Variants in PUM2 observed in about 807,000 individuals in gnomAD.
The protein encoded by PUM2 is pumilio RNA binding family member 2.
In PUM2, 57 loss-of-function variants were observed where a neutral mutation model predicts 124.5. That is an observed-to-expected ratio of 0.46 (90% confidence interval 0.37 to 0.57). The LOEUF is 0.57. Among genes scored for constraint, PUM2 ranks in the 20% least tolerant of loss-of-function variants. The probability of loss-of-function intolerance (pLI) is 0.00; values close to 1 mark genes in which losing one functional copy is unlikely to be tolerated. For missense variants in PUM2, 1,065 were observed against 1,290.6 expected (o/e 0.83, Z 2.68); for synonymous variants, 460 against 446.1 (o/e 1.03, Z -0.39).
At position 20,263,304 on chromosome 2, in the gene PUM2, G is replaced by A. The variant is rs540034541; in HGVS notation, c.2114C>T (p.Ser705Phe). Residue 705 changes from serine (S) to phenylalanine (F), a missense_variant, in exon 14 of 21, where the codon TCT becomes TTT. This residue lies in a region of PUM2 where 968 missense variants were observed against 1,159.8 expected (regional missense o/e 0.83). Transcript: ENST00000361078. ...ATCTTCCAATAATCTACTGCGGCCA[G>A]AAGGCATAATATCAGACCTATTATA... ...LRYNRSDIMP[S>F]GRSRLLEDFR... The A allele has an allele frequency of 1.4e-5, 23 of 1,614,004 alleles. No individual in the cohort carries two copies. Among genetic ancestry groups the A allele is most frequent in the Non-Finnish European group, 1.9e-5 (23 of 1,179,962 alleles).
Position 20,278,677 on chromosome 2 carries a change from T to A in PUM2, c.1863A>T (p.Pro621=). Residue 621 remains proline, a synonymous_variant, in exon 13 of 21, where the codon CCA becomes CCT. Coordinates refer to ENST00000361078, the MANE Select transcript of PUM2 (RefSeq NM_015317.5). ...TTTGGCTTGGCAGAGGCATGCCTAT[T>A]GGACTTGGAGAGGAGGAAAATCCCA... ...NSLGFSSSPS[P]IGMPLPSQTP... is the part of the protein sequence containing the mutation. 1 of 1,613,576 alleles carries A rather than the reference T, an allele frequency of 6.2e-7. No homozygotes were observed. Among genetic ancestry groups the A allele is most frequent in the Non-Finnish European group, 8.5e-7 (1 of 1,179,700 alleles).
intron 6 of PUM2, 82 bp from the exon 7 acceptor site, chr2:20,308,153 C>T (rs1678779726): frequency 6.6e-7 from 1 of 1,520,536 alleles, no homozygotes; most frequent in Non-Finnish European, 8.9e-7. Context: ...ACATTTTAAA[C>T]ATTTTTTCTT....
rs1573075117 is a variant in PUM2, at chr2:20,350,627, G to C, written c.-49C>G. 2.0e-6 allele frequency: 2 copies of C among 985,516 alleles called. No individual in the cohort carries two copies. Among genetic ancestry groups the C allele is most frequent in the East Asian group, 2.3e-4 (2 of 8,790 alleles). 61.0% of individuals were successfully genotyped at this position (985,516 alleles called of 1,614,324 possible). The stretch of plus-strand genomic sequence containing the variant: ...TGCTGCGGCCGCGCTGCCTCAGCCG[G>C]GGACACCGACCGTTGGGCACACGGC... On this transcript the variant is annotated 5_prime_UTR_variant, in exon 1 of 21. Coordinates refer to ENST00000361078, the MANE Select transcript of PUM2 (RefSeq NM_015317.5).
chr2:20,329,434 T>TG (rs1249302186), intron 1 of PUM2, among the ~76,000 whole-genome samples: 1 of 104,888 alleles, frequency 9.5e-6, no homozygotes, highest in Non-Finnish European at 1.9e-5. Context: ...CCCCCTCATC[T>TG]CAAAAAAAAA....
rs1215410993 is a variant in PUM2, at chr2:20,250,150, T to C, written c.*1435A>G. 6.6e-6 allele frequency: 1 copy of C among 152,634 alleles called. No individual in the cohort carries two copies. The highest frequency in any genetic ancestry group is 1.5e-5 in the Non-Finnish European group (1 of 68,018). The allele number at this position is 152,634 out of a possible 1,614,324, so 9.5% of individuals were successfully genotyped here. ...TATCTCAGTCCAATACTTTCTATTA[T>C]GCACAATACCCTGACTTCAATTGAA... is the stretch of plus-strand genomic sequence containing the variant. On this transcript the variant is annotated 3_prime_UTR_variant, in exon 21 of 21. Transcript: ENST00000361078.
chr2:20,330,034 T>C (rs1408443457), intron 1 of PUM2, among the ~76,000 whole-genome samples: 2 of 151,734 alleles, frequency 1.3e-5, no homozygotes, highest in Non-Finnish European at 1.5e-5. Flanking sequence ...CTTACAGTCA[T>C]TATAAAAACC....
At chr2:20,264,336 CAAAAAAAAAAAAAA>C (rs869149732) in intron 13 of PUM2, among the ~76,000 whole-genome samples, 1 of 25,390 alleles carries the variant, frequency 3.9e-5, no homozygotes, top group Non-Finnish European at 6.2e-5. Context: ...CACTCTGTCT[CAAAAAAAAAAAAAA>C]AAAAAAAAAA....
In PUM2 at chr2:20,308,503, C is replaced by T. The variant is rs745639045; in HGVS notation, c.600G>A (p.Leu200=). 4.3e-6 allele frequency: 7 copies of T among 1,613,992 alleles called. No homozygotes were observed. The Admixed American group carries it at 1.0e-4, about 23-fold the overall frequency. The change falls in exon 6 of 21, where the codon CTG becomes CTA. Residue 200 remains leucine (L), a synonymous_variant. Transcript: ENST00000361078. ...TAGCTGTAGGATTAGGAAGAGGCCC[C>T]AGTCCTTCTGAGGGATTAGTATTGG... The part of the protein sequence containing the change: ...LGPNTNPSEG[L]GPLPNPTANK...
At chr2:20,254,164 G>GT in intron 19 of PUM2, 150 bp from the exon 20 acceptor site, 1 of 758,352 alleles carries the variant, frequency 1.3e-6, no homozygotes, top group African/African-American at 1.8e-5. Flanking sequence ...ATTTTATTTT[G>GT]TTCTTTTTTT....
At chr2:20,263,800 G>C (rs1165461148) in intron 13 of PUM2, among the ~76,000 whole-genome samples, 1 of 152,122 alleles carries the variant, frequency 6.6e-6, no homozygotes, top group East Asian at 1.9e-4. Flanking sequence ...TAACAAGCAA[G>C]TTTAAATTGC....
chr2:20,264,696 A>C (rs1028145166), intron 13 of PUM2, among the ~76,000 whole-genome samples: 6 of 152,126 alleles, frequency 3.9e-5, no homozygotes, highest in African/African-American at 1.4e-4. Context: ...GCATCATGCT[A>C]TTATTATATG....
At chr2:20,350,874 A>C (rs1414540694), upstream of PUM2, 7 of 773,124 alleles carry the variant, frequency 9.1e-6, no homozygotes, top group Non-Finnish European at 1.1e-5. Flanking sequence ...CGCGCAGTGC[A>C]CCCCGGGAGA....
At chr2:20,328,194 G>C (rs542322188) in intron 1 of PUM2, among the ~76,000 whole-genome samples, 1 of 152,232 alleles carries the variant, frequency 6.6e-6, no homozygotes, top group African/African-American at 2.4e-5. Flanking sequence ...AAATTAGCTG[G>C]GTGCGGTGGC....
At chr2:20,336,408 C>A (rs1686035451) in intron 1 of PUM2, among the ~76,000 whole-genome samples, 1 of 151,758 alleles carries the variant, frequency 6.6e-6, no homozygotes, top group African/African-American at 2.4e-5. Context: ...TGGTCTTGAA[C>A]TCCTGAACTC....
At chr2:20,315,186 T>C (rs899057696) in intron 3 of PUM2, among the ~76,000 whole-genome samples, 1 of 150,208 alleles carries the variant, frequency 6.7e-6, no homozygotes, top group African/African-American at 2.5e-5. Context: ...CAGATGGAAG[T>C]GATATTTCAG....
intron 14 of PUM2, among the ~76,000 whole-genome samples, chr2:20,261,339 A>G (rs1204639657): frequency 1.4e-5 from 2 of 141,734 alleles, no homozygotes; most frequent in African/African-American, 2.7e-5. Context: ...GGTTGCAGTG[A>G]GCCGAGATCA....
At chr2:20,319,883 C>A (rs1681887788) in intron 2 of PUM2, among the ~76,000 whole-genome samples, 1 of 152,106 alleles carries the variant, frequency 6.6e-6, no homozygotes, top group Non-Finnish European at 1.5e-5. Flanking sequence ...ACAAAAAACT[C>A]AAGTTGTAAG....
intron 1 of PUM2, among the ~76,000 whole-genome samples, chr2:20,340,011 A>G (rs1686918689): frequency 6.6e-6 from 1 of 152,016 alleles, no homozygotes; most frequent in South Asian, 2.1e-4. Context: ...ACGGCCAACT[A>G]AATCATACAT....
At chr2:20,347,065 T>C (rs565376579) in intron 1 of PUM2, among the ~76,000 whole-genome samples, 1 of 152,336 alleles carries the variant, frequency 6.6e-6, no homozygotes, top group South Asian at 2.1e-4. Context: ...TTCCCAGTAC[T>C]CTATTCTAAA....
Sources: allele counts gnomAD v4.1 joint callset (sites outside exome capture counted in the v4.1 genomes callset), GRCh38; gene constraint gnomAD v4.1.1; regional missense constraint gnomAD v4.1.1; transcripts MANE v1.5; gene names NCBI Gene and HGNC (gene_info 2026-07-23, HGNC 2026-07-21).